MYH9: variants seen among roughly 807,000 people sequenced by gnomAD.
MYH9 encodes the protein myosin-9.
A neutral mutation model predicts 241.9 loss-of-function variants in MYH9; 29 were observed. That is an observed-to-expected ratio of 0.12 (90% CI 0.09 to 0.16). The LOEUF (loss-of-function observed/expected upper bound fraction) is 0.16, where lower values mean the gene tolerates loss of function less well. Ranked by LOEUF, MYH9 falls within the 10% of genes least tolerant of loss-of-function variation. The probability of loss-of-function intolerance (pLI) is 1.00; values close to 1 mark genes in which losing one functional copy is unlikely to be tolerated. For synonymous variants in MYH9, 1,047 were observed against 1,062.6 expected, an observed-to-expected ratio of 0.99 and a Z score of 0.29; for missense variants, 1,803 against 2,595.5, an observed-to-expected ratio of 0.69 and a Z score of 6.63.
At chr22:36,298,233 C>T (rs1352479595) in intron 24 of MYH9, among the ~76,000 whole-genome samples, 1 of 152,070 alleles carries the variant, frequency 6.6e-6, no homozygotes, top group Non-Finnish European at 1.5e-5. Flanking sequence ...CCAGAGTAGT[C>T]GGGGTTCCCC....
intron 11 of MYH9, 126 bp downstream of exon 11, chr22:36,318,081 C>T: frequency 1.2e-6 from 1 of 846,260 alleles, no homozygotes; most frequent in Admixed American, 1.7e-5. Context: ...GTGAGGACTG[C>T]ATCATGGAAT....
Position 36,293,990 on chromosome 22 carries a change from T to G in MYH9, c.3837+102A>C, listed in dbSNP as rs1037496435. On this transcript the variant is annotated intron_variant, in intron 28 of 40. Coordinates refer to ENST00000216181, the MANE Select transcript of MYH9 (RefSeq NM_002473.6). The surrounding 1 kb of genome is among the most constrained non-coding windows in gnomAD (Gnocchi z 5.1). ...ACCATGAGGGTCTGAGGAGCCAGTT[T>G]GAGAAGAGAGAGAGACAGAGAGCAC... 2.7e-6 allele frequency: 4 copies of G among 1,492,834 alleles called. No individual in the cohort carries two copies. The highest frequency in any genetic ancestry group is 3.7e-6 in the Non-Finnish European group (4 of 1,086,682). 92.5% of individuals were successfully genotyped at this position (1,492,834 alleles called of 1,614,324 possible).
rs958181395 is a variant in MYH9, at chr22:36,288,503, G to A, written c.4771-90C>T. 6.4e-6 allele frequency: 10 copies of A among 1,552,214 alleles called. No individual in the cohort carries two copies. The highest frequency in any genetic ancestry group is 5.1e-5 in the Admixed American group (3 of 59,294). On this transcript the variant is annotated intron_variant, in intron 33 of 40. Coordinates refer to ENST00000216181, the MANE Select transcript of MYH9 (RefSeq NM_002473.6). This position sits in a 1 kb window ranked among gnomAD's most constrained non-coding sequence, Gnocchi z 4.8. ...AACTCAGGAGCCTCAGGCCAGTTCT[G>A]CAGGATCCATGGGGCCTCGGGAAAC... is the stretch of plus-strand genomic sequence containing the variant.
At position 36,294,252 on chromosome 22, in the gene MYH9, C is replaced by T. The variant is rs200697030; in HGVS notation, c.3677G>A (p.Arg1226Gln). The change falls in exon 28 of 41, where the codon CGG (arginine) becomes CAG (glutamine). Residue 1226 changes from arginine to glutamine, a missense_variant. Physicochemically the swap from Arg to Gln is conservative, Grantham distance 43 (BLOSUM62 1). This residue lies in a region of MYH9 where 876 missense variants were observed against 1,077.8 expected (regional missense o/e 0.81). Transcript: ENST00000216181. ...EKAKQTLENE[R>Q]GELANEVKVL... ...CTTCACCTCGTTGGCCAGCTCCCCC[C>T]GCTCGTTCTCCAGAGTCTGCTTTGC... 4.3e-5 allele frequency: 70 copies of T among 1,614,024 alleles called. No individual in the cohort carries two copies. Among genetic ancestry groups the T allele is most frequent in the African/African-American group, 6.7e-5 (5 of 74,940 alleles).
chr22:36,330,027 A>G lies in MYH9; in HGVS notation c.491-2539T>C, dbSNP rs2017397722. On this transcript the variant is annotated intron_variant, in intron 3 of 40. Coordinates refer to ENST00000216181, the MANE Select transcript of MYH9 (RefSeq NM_002473.6). This position sits in a 1 kb window ranked among gnomAD's most constrained non-coding sequence, Gnocchi z 4.5. ...CACAGGTGAATGTGAACATACATGTATGTACATAGCCATGCACACACACGG... is the reference window on the plus strand; with the variant it reads ...CACAGGTGAATGTGAACATACATGTGTGTACATAGCCATGCACACACACGG... 6.6e-6 allele frequency among the ~76,000 whole-genome samples: 1 copy of G among 152,234 alleles called. No individual in the cohort carries two copies. The highest frequency in any genetic ancestry group is 1.5e-5 in the Non-Finnish European group (1 of 68,042).
intron 23 of MYH9, among the ~76,000 whole-genome samples, chr22:36,299,367 C>A (rs953137433): frequency 1.9e-4 from 29 of 152,196 alleles, no homozygotes; most frequent in Non-Finnish European, 5.9e-5. Flanking sequence ...GAGGCTGCCA[C>A]ACGGCGCTCA....
intron 31 of MYH9, among the ~76,000 whole-genome samples, chr22:36,291,683 T>TAAAAAAAA (rs66686435): frequency 3.9e-4 from 34 of 86,876 alleles, no homozygotes; most frequent in East Asian, 6.4e-4. Flanking sequence ...ATAAAAAAAT[T>TAAAAAAAA]AAAAAAAAAA....
Position 36,349,174 on chromosome 22 carries a change from C to T in MYH9, c.63G>A (p.Leu21=), listed in dbSNP as rs1274141762. ...YVDKNFINNP[L]AQADWAAKKL... ...TCTTGGCAGCCCAGTCGGCCTGGGC[C>T]AGCGGATTGTTGATGAAGTTTTTAT... Residue 21 remains leucine, a synonymous_variant, in exon 2 of 41, where the codon CTG becomes CTA. Coordinates refer to ENST00000216181, the MANE Select transcript of MYH9 (RefSeq NM_002473.6). 2 of 1,614,082 alleles carry T rather than the reference C, an allele frequency of 1.2e-6. No individual in the cohort carries two copies. The highest frequency in any genetic ancestry group is 3.3e-5 in the Admixed American group (2 of 60,008).
rs1317608533 is a variant in MYH9 at position 36,306,677 on chromosome 22, G to C, written c.1844-70C>G. On this transcript the variant is annotated intron_variant, in intron 15 of 40. Transcript: ENST00000216181. This position sits in a 1 kb window ranked among gnomAD's most constrained non-coding sequence, Gnocchi z 4.1. ...CTGGGTGGTGGGGGAGCACGTAGGAGAGAGAGACAGGCACACGTCGGACAG... is the reference window on the plus strand; with the variant it reads ...CTGGGTGGTGGGGGAGCACGTAGGACAGAGAGACAGGCACACGTCGGACAG... 1 of 1,441,048 alleles carries C rather than the reference G, an allele frequency of 6.9e-7. No individual in the cohort carries two copies. The highest frequency in any genetic ancestry group is 9.6e-7 in the Non-Finnish European group (1 of 1,046,342). The allele number at this position is 1,441,048 out of a possible 1,614,324, so 89.3% of individuals were successfully genotyped here. A position where few individuals can be genotyped will look rare whatever the true frequency, so the allele number is the denominator to read the frequency against.
chr22:36,361,999 G>A lies in MYH9; in HGVS notation c.-19-12744C>T, dbSNP rs561018164. 1.1e-4 allele frequency among the ~76,000 whole-genome samples: 17 copies of A among 152,304 alleles called. 1 individual carries two copies. In the South Asian group the frequency reaches 3.3e-3, roughly 30 times the overall value. ...GCCAAGAATTGCTTGAACCCAGGAG[G>A]CAGAGGTTGCAGTGAGCCGAAATTG... is the stretch of plus-strand genomic sequence containing the variant. On this transcript the variant is annotated intron_variant, in intron 1 of 40. Transcript: ENST00000216181.
intron 12 of MYH9, among the ~76,000 whole-genome samples, chr22:36,316,199 G>A (rs1359185666): frequency 2.0e-5 from 3 of 151,558 alleles, no homozygotes; most frequent in Non-Finnish European, 2.9e-5. Flanking sequence ...CACCACGCCC[G>A]GCTAATGTAT....
chr22:36,300,827 T>TC lies in MYH9; in HGVS notation c.2838+23dup, dbSNP rs1320791093. The TC allele has an allele frequency of 6.3e-7, 1 of 1,598,958 alleles. No homozygotes were observed. Among genetic ancestry groups the TC allele is most frequent in the East Asian group, 2.2e-5 (1 of 44,884 alleles). On this transcript the variant is annotated intron_variant, in intron 22 of 40. Coordinates refer to ENST00000216181, the MANE Select transcript of MYH9 (RefSeq NM_002473.6). This position sits in a 1 kb window ranked among gnomAD's most constrained non-coding sequence, Gnocchi z 5.0. ...CGCCCTGCCCCTCCGGCGCCACCCC[T>TC]CCCCGGGTGCAGCGGGCAGGAACCT...
Position 36,301,022 on chromosome 22 carries a change from G to A in MYH9, c.2667C>T (p.Leu889=). The change falls in exon 22 of 41, where the codon CTC becomes CTT. Residue 889 remains leucine, a synonymous_variant. Transcript: ENST00000216181. The part of the protein sequence containing the change: ...MAEKLQLQEQ[L]QAETELCAEA... Reference sequence around the variant, plus strand: ...CGGCACACAGCTCGGTTTCTGCCTGGAGCTGCTCCTGCAGCTGCAATTTCT... The same window carrying A: ...CGGCACACAGCTCGGTTTCTGCCTGAAGCTGCTCCTGCAGCTGCAATTTCT... 6.2e-7 allele frequency: 1 copy of A among 1,611,366 alleles called. No individual in the cohort carries two copies.
intron 1 of MYH9, among the ~76,000 whole-genome samples, chr22:36,352,473 T>TGGCTTCTCGGCAGCCC (rs1243305162): frequency 6.6e-6 from 1 of 152,160 alleles, no homozygotes; most frequent in Non-Finnish European, 1.5e-5. Flanking sequence ...TCTGGTAGCC[T>TGGCTTCTCGGCAGCCC]GGCTTCTCGG....
chr22:36,284,421 G>T lies in MYH9; in HGVS notation c.5574C>A (p.Ala1858=). The change falls in exon 39 of 41, where the codon GCC becomes GCA. Residue 1858 remains alanine (A), a synonymous_variant. Transcript: ENST00000216181. The stretch of plus-strand genomic sequence containing the variant: ...CCCACACCTGGTCCTTGTACTGCTC[G>T]GCGTTCCTCCGCTCGTCATCCACCT... ...LLQVDDERRN[A]EQYKDQADKA... is the part of the protein sequence containing the mutation. 1.2e-6 allele frequency: 2 copies of T among 1,612,786 alleles called. No individual in the cohort carries two copies. The highest frequency in any genetic ancestry group is 1.6e-4 in the Middle Eastern group (1 of 6,062).
chr22:36,355,610 C>G (rs1193578582), intron 1 of MYH9, among the ~76,000 whole-genome samples: 5 of 152,206 alleles, frequency 3.3e-5, no homozygotes, highest in African/African-American at 9.7e-5. Flanking sequence ...CACCGTAAAG[C>G]TGCATAGACC....
intron 30 of MYH9, 58 bp from the exon 31 acceptor site, chr22:36,292,292 C>T (rs561790765): frequency 1.2e-6 from 2 of 1,608,922 alleles, no homozygotes; most frequent in South Asian, 1.1e-5. Flanking sequence ...AGGTGGCACA[C>T]CCGTCCCTGG....
intron 35 of MYH9, 131 bp from the exon 36 acceptor site, chr22:36,286,084 C>A: frequency 1.1e-6 from 1 of 906,652 alleles, no homozygotes; most frequent in Non-Finnish European, 1.8e-6. Context: ...CCTCCAGAAA[C>A]CCTCTAGCTC....
intron 31 of MYH9, among the ~76,000 whole-genome samples, chr22:36,291,306 T>G (rs936727898): frequency 3.3e-5 from 5 of 152,224 alleles, no homozygotes; most frequent in Admixed American, 1.3e-4. Flanking sequence ...GAAGTATACA[T>G]GGGAGACTTT....
Sources: allele counts gnomAD v4.1 joint callset (sites outside exome capture counted in the v4.1 genomes callset), GRCh38; gene constraint gnomAD v4.1.1; regional missense constraint gnomAD v4.1.1; non-coding constraint Gnocchi (gnomAD v3.1); transcripts MANE v1.5; gene names NCBI Gene and HGNC (gene_info 2026-07-23, HGNC 2026-07-21).